The following STAC variants were observed in gnomAD, a reference collection of about 807,000 sequenced individuals.
The protein encoded by STAC is SH3 and cysteine-rich domain-containing protein.
A neutral mutation model predicts 48.8 loss-of-function variants in STAC; 43 were observed. That is an observed-to-expected ratio of 0.88 (90% CI 0.69 to 1.14). The LOEUF (loss-of-function observed/expected upper bound fraction) is 1.14, where lower values mean the gene tolerates loss of function less well. Among genes scored for constraint, STAC ranks in the 50% most tolerant of loss-of-function variants. The probability of loss-of-function intolerance (pLI) is 0.00; values close to 1 mark genes in which losing one functional copy is unlikely to be tolerated. For synonymous variants in STAC, 193 were observed against 179.5 expected, an observed-to-expected ratio of 1.07 and a Z score of -0.60; for missense variants, 497 against 504.0, an observed-to-expected ratio of 0.99 and a Z score of 0.13.
intron 7 of STAC, among the ~76,000 whole-genome samples, chr3:36,505,288 A>G (rs1481319379): frequency 6.6e-6 from 1 of 152,122 alleles, no homozygotes; most frequent in Non-Finnish European, 1.5e-5. Flanking sequence ...AAATGAACTA[A>G]TTGCCAGATG....
chr3:36,437,380 T>C (rs1474701308), intron 1 of STAC, among the ~76,000 whole-genome samples: 2 of 151,774 alleles, frequency 1.3e-5, no homozygotes, highest in East Asian at 3.9e-4. Context: ...CCAACCAAAA[T>C]GTCCAACAAT....
chr3:36,380,674 G>A lies in STAC; in HGVS notation c.31G>A (p.Gly11Ser), dbSNP rs370658091. ...CCCTCCGAGCAGCCCCCGCGAGGAC[G>A]GCGTGGACGGGCTGCCCAAGGAGGC... is the stretch of plus-strand genomic sequence containing the variant. Reference protein sequence around the residue: MIPPSSPREDGVDGLPKEAVG... With the variant: MIPPSSPREDSVDGLPKEAVG... The change falls in exon 1 of 11, where the codon GGC (glycine) becomes AGC (serine). Residue 11 changes from glycine to serine, a missense_variant. By Grantham distance (56) the Gly-to-Ser change is moderately conservative. Transcript: ENST00000273183. 4 of 1,606,294 alleles carry A rather than the reference G, an allele frequency of 2.5e-6. No individual in the cohort carries two copies. Among genetic ancestry groups the A allele is most frequent in the African/African-American group, 2.7e-5 (2 of 74,830 alleles).
chr3:36,400,372 A>C (rs1254268600), intron 1 of STAC, among the ~76,000 whole-genome samples: 2 of 152,196 alleles, frequency 1.3e-5, no homozygotes, highest in African/African-American at 2.4e-5. Context: ...CATTTCACTG[A>C]AAATATAATG....
chr3:36,527,217 T>C (rs981484685), intron 8 of STAC, among the ~76,000 whole-genome samples: 10 of 152,146 alleles, frequency 6.6e-5, no homozygotes, highest in Non-Finnish European at 1.3e-4. Context: ...AGTAATAAGA[T>C]AAAGGATAGG....
chr3:36,451,473 GAGAATA>G (rs1696678749), intron 2 of STAC, among the ~76,000 whole-genome samples: 2 of 149,056 alleles, frequency 1.3e-5, no homozygotes, highest in Admixed American at 1.3e-4. Context: ...ACTTTTGATT[GAGAATA>G]AATCTTAAGA....
At chr3:36,453,204 C>G (rs552644569) in intron 2 of STAC, among the ~76,000 whole-genome samples, 21 of 152,376 alleles carry the variant, frequency 1.4e-4, no homozygotes, top group African/African-American at 4.6e-4. Context: ...AGCCCTTGCT[C>G]GCTCCCGGCG....
chr3:36,542,312 T>C (rs927789137), intron 10 of STAC, among the ~76,000 whole-genome samples: 4 of 152,132 alleles, frequency 2.6e-5, no homozygotes, highest in African/African-American at 9.7e-5. Flanking sequence ...GGTGATGACT[T>C]TAGTGGTTTG....
At chr3:36,492,031 AATATATATAT>A (rs11267408) in intron 5 of STAC, among the ~76,000 whole-genome samples, 694 of 16,306 alleles carry the variant, frequency 0.043, 22 homozygotes, top group South Asian at 0.073. Context: ...AAAAAAAAAA[AATATATATAT>A]ATATATATAT....
intron 1 of STAC, among the ~76,000 whole-genome samples, chr3:36,405,337 G>A (rs1418831611): frequency 2.0e-5 from 3 of 152,188 alleles, no homozygotes; most frequent in African/African-American, 7.2e-5. Flanking sequence ...CTTGAGCTGT[G>A]ATAATCATGC....
intron 2 of STAC, among the ~76,000 whole-genome samples, chr3:36,448,908 C>CA (rs1267980980): frequency 6.8e-6 from 1 of 146,514 alleles, no homozygotes; most frequent in South Asian, 2.3e-4. Context: ...TGAACCCCCC[C>CA]CCCCACTCCC....
intron 8 of STAC, among the ~76,000 whole-genome samples, chr3:36,512,411 A>G (rs1002551000): frequency 6.6e-6 from 1 of 152,200 alleles, no homozygotes; most frequent in African/African-American, 2.4e-5. Context: ...CTTTGCAATA[A>G]GTACACCATA....
intron 8 of STAC, among the ~76,000 whole-genome samples, chr3:36,514,314 A>G (rs981222454): frequency 1.1e-4 from 16 of 140,942 alleles, no homozygotes; most frequent in Non-Finnish European, 2.4e-4. Context: ...CCTCCTACCC[A>G]CAACCATCAA....
At chr3:36,454,583 C>A (rs1042438137) in intron 2 of STAC, among the ~76,000 whole-genome samples, 1 of 152,196 alleles carries the variant, frequency 6.6e-6, no homozygotes, top group Non-Finnish European at 1.5e-5. Context: ...GACATGGATA[C>A]TATCTCCCCT....
intron 1 of STAC, among the ~76,000 whole-genome samples, chr3:36,424,630 G>A: frequency 6.6e-6 from 1 of 152,020 alleles, no homozygotes; most frequent in East Asian, 1.9e-4. Flanking sequence ...ATAGATGGTT[G>A]CAAGAACAGG....
At chr3:36,393,346 A>T (rs1699791102) in intron 1 of STAC, among the ~76,000 whole-genome samples, 1 of 152,070 alleles carries the variant, frequency 6.6e-6, no homozygotes, top group Admixed American at 6.6e-5. Context: ...CCTAAAGCTC[A>T]TTTTCCACCT....
At chr3:36,408,382 C>T (rs1250029647) in intron 1 of STAC, among the ~76,000 whole-genome samples, 1 of 152,192 alleles carries the variant, frequency 6.6e-6, no homozygotes, top group East Asian at 1.9e-4. Flanking sequence ...CCAGGGGTCT[C>T]TGTATGTTTA....
At chr3:36,392,846 G>A (rs1187186351) in intron 1 of STAC, among the ~76,000 whole-genome samples, 2 of 152,104 alleles carry the variant, frequency 1.3e-5, no homozygotes, top group East Asian at 3.8e-4. Context: ...CCAATCCCAG[G>A]GAGGTCTCAT....
Position 36,528,757 on chromosome 3 carries a change from C to G in STAC, c.972+10C>G, listed in dbSNP as rs775182793. On this transcript the variant is annotated intron_variant, in intron 9 of 10. Transcript: ENST00000273183. ...TGAAGACTGGTGGAAAGTAAGTGTT[C>G]CTCTTTCTTTAAAAAAAAAAGAGAA... 2 of 1,601,706 alleles carry G rather than the reference C, an allele frequency of 1.2e-6. No individual in the cohort carries two copies. The highest frequency in any genetic ancestry group is 2.7e-5 in the African/African-American group (2 of 73,622).
intron 6 of STAC, among the ~76,000 whole-genome samples, chr3:36,499,893 G>C (rs752396716): frequency 1.3e-5 from 2 of 151,738 alleles, no homozygotes; most frequent in Non-Finnish European, 2.9e-5. Context: ...GTATTAATGT[G>C]TGAAAAATTG....
Sources: allele counts gnomAD v4.1 joint callset (sites outside exome capture counted in the v4.1 genomes callset), GRCh38; gene constraint gnomAD v4.1.1; transcripts MANE v1.5; gene names NCBI Gene and HGNC (gene_info 2026-07-23, HGNC 2026-07-21).